EBF3: variants seen among roughly 807,000 people sequenced by gnomAD.
EBF3 encodes transcription factor COE3.
EBF3 carries 18 observed loss-of-function variants against 77.1 expected under a neutral mutation model. The ratio of observed to expected loss-of-function variants is 0.23; its 90% confidence interval spans 0.16 to 0.35. The LOEUF is 0.35. Ranked by LOEUF, EBF3 falls within the 10% of genes least tolerant of loss-of-function variation. EBF3 has a pLI of 1.00. For missense variants in EBF3, 558 were observed against 860.0 expected, an observed-to-expected ratio of 0.65 and a Z score of 4.39; for synonymous variants, 350 against 343.5, an observed-to-expected ratio of 1.02 and a Z score of -0.21.
rs200563752 is a variant in EBF3 at position 129,843,158 on chromosome 10, G to A, written c.1173C>T (p.Tyr391=). The change falls in exon 12 of 17, where the codon TAC becomes TAT. Residue 391 remains tyrosine (Y), a synonymous_variant. Transcript: ENST00000440978. ...KRAADLVEAL[Y]GMPHNNQEII... ...CTACCTGGTTGTTGTGAGGCATTCC[G>A]TATAAGGCTTCCACCAGGTCCGCCG... is the stretch of plus-strand genomic sequence containing the variant. 4.2e-5 allele frequency: 67 copies of A among 1,613,566 alleles called. No homozygotes were observed. The highest frequency in any genetic ancestry group is 6.7e-5 in the Admixed American group (4 of 59,960).
intron 6 of EBF3, among the ~76,000 whole-genome samples, chr10:129,912,010 G>A (rs11017009): frequency 0.41 from 61,645 of 151,760 alleles, 13,093 homozygotes; most frequent in Admixed American, 0.48. Context: ...CTCAACGCCC[G>A]GGTGTGCACG....
intron 6 of EBF3, among the ~76,000 whole-genome samples, chr10:129,878,969 G>T (rs148723539): frequency 1.9e-4 from 29 of 152,232 alleles, no homozygotes; most frequent in African/African-American, 6.7e-4. Context: ...AGGCCGAAGC[G>T]AGTGCTATTT....
rs777657276 is a variant in EBF3 at position 129,947,985 on chromosome 10, G to A, written c.554+9273C>T. Among the ~76,000 whole-genome samples, 2 of 152,100 alleles carry A rather than the reference G, an allele frequency of 1.3e-5. No homozygotes were observed. The highest frequency in any genetic ancestry group is 2.9e-5 in the Non-Finnish European group (2 of 68,022). ...AAAGAAGCCAGTCTGGGTGAGGCAC[G>A]GTGGCTCACATCTGTAATCCTAGCA... is the stretch of plus-strand genomic sequence containing the variant. On this transcript the variant is annotated intron_variant, in intron 6 of 16. Coordinates refer to ENST00000440978, the MANE Select transcript of EBF3 (RefSeq NM_001375380.1). This position sits in a 1 kb window ranked among gnomAD's most constrained non-coding sequence, Gnocchi z 4.5.
At chr10:129,873,418 C>T (rs950581169) in intron 8 of EBF3, 34 bp downstream of exon 8, 45 of 1,477,894 alleles carry the variant, frequency 3.0e-5, no homozygotes, top group Non-Finnish European at 4.0e-5. Flanking sequence ...AAAGAAGCAT[C>T]GCAAATAAAA....
chr10:129,889,712 C>T (rs563986575), intron 6 of EBF3, among the ~76,000 whole-genome samples: 1 of 151,408 alleles, frequency 6.6e-6, no homozygotes, highest in Admixed American at 6.6e-5. Context: ...AGGAAAACAA[C>T]CAGGATAAAT....
chr10:129,844,442 CTT>C lies in EBF3; in HGVS notation c.1129-1242_1129-1241del, dbSNP rs376637086. ...CATAAGCAGATTTCAGCCTGAACCT[CTT>C]AATGCAAATACAGTGCAGTCGGCTG... On this transcript the variant is annotated intron_variant, in intron 11 of 16. Coordinates refer to ENST00000440978, the MANE Select transcript of EBF3 (RefSeq NM_001375380.1). 1.6e-3 allele frequency among the ~76,000 whole-genome samples: 247 copies of C among 152,292 alleles called. 1 individual carries two copies. The highest frequency in any genetic ancestry group is 5.8e-3 in the African/African-American group (243 of 41,566).
chr10:129,914,558 T>C (rs1035918215), intron 6 of EBF3, among the ~76,000 whole-genome samples: 1 of 152,108 alleles, frequency 6.6e-6, no homozygotes, highest in Non-Finnish European at 1.5e-5. Flanking sequence ...CATGCAGGGC[T>C]TGGAACGGGG....
intron 6 of EBF3, among the ~76,000 whole-genome samples, chr10:129,878,439 T>G (rs1250807470): frequency 1.3e-5 from 2 of 151,768 alleles, no homozygotes; most frequent in Non-Finnish European, 2.9e-5. Flanking sequence ...GAGGCTGAGG[T>G]GGGCAGATGA....
chr10:129,867,666 T>C, intron 9 of EBF3, 116 bp downstream of exon 9: 1 of 1,501,572 alleles, frequency 6.7e-7, no homozygotes, highest in Non-Finnish European at 9.0e-7. Context: ...AACAGTGCAG[T>C]GTGTTAAAAG....
chr10:129,936,493 T>C (rs1314091437), intron 6 of EBF3, among the ~76,000 whole-genome samples: 1 of 151,996 alleles, frequency 6.6e-6, no homozygotes, highest in East Asian at 1.9e-4. Flanking sequence ...TCGGCCTGTG[T>C]GAGGACCCAA....
Position 129,935,837 on chromosome 10 carries a change from G to A in EBF3, c.554+21421C>T, listed in dbSNP as rs1048111474. On this transcript the variant is annotated intron_variant, in intron 6 of 16. Coordinates refer to ENST00000440978, the MANE Select transcript of EBF3 (RefSeq NM_001375380.1). The surrounding 1 kb of genome is among the most constrained non-coding windows in gnomAD (Gnocchi z 4.2). ...CATAGAATGTGGGCTGGGGACAGGA[G>A]AGGCCAAGACACCAAGAGCGGCCAC... Among the ~76,000 whole-genome samples, 8 of 152,228 alleles carry A rather than the reference G, an allele frequency of 5.3e-5. No individual in the cohort carries two copies. The highest frequency in any genetic ancestry group is 5.9e-5 in the Non-Finnish European group (4 of 68,044).
At position 129,848,191 on chromosome 10, in the gene EBF3, C is replaced by T. The variant is rs557074841; in HGVS notation, c.1128+201G>A. 1.3e-5 allele frequency among the ~76,000 whole-genome samples: 2 copies of T among 152,330 alleles called. No homozygotes were observed. The highest frequency in any genetic ancestry group is 2.1e-4 in the South Asian group (1 of 4,828). On this transcript the variant is annotated intron_variant, in intron 11 of 16. Coordinates refer to ENST00000440978, the MANE Select transcript of EBF3 (RefSeq NM_001375380.1). This position sits in a 1 kb window ranked among gnomAD's most constrained non-coding sequence, Gnocchi z 4.4. ...TGAGATGTAAAACTCGAGCCGTCTA[C>T]GCCTTCTCTCACCCTTCGCCCACCT...
chr10:129,892,590 C>A (rs904888722), intron 6 of EBF3, among the ~76,000 whole-genome samples: 1 of 152,152 alleles, frequency 6.6e-6, no homozygotes, highest in African/African-American at 2.4e-5. Flanking sequence ...CACCACTGAC[C>A]ATAAATATAG....
intron 6 of EBF3, among the ~76,000 whole-genome samples, chr10:129,933,306 G>A (rs114712362): frequency 1.9e-3 from 289 of 152,298 alleles, no homozygotes; most frequent in African/African-American, 6.5e-3. Context: ...TAACTGCTGC[G>A]AATTATGCCT....
chr10:129,846,414 G>A (rs941261052), intron 11 of EBF3, among the ~76,000 whole-genome samples: 2 of 151,878 alleles, frequency 1.3e-5, no homozygotes, highest in Non-Finnish European at 2.9e-5. Flanking sequence ...GGGTGACGCC[G>A]AGGAGGGGGC....
At chr10:129,883,108 G>C (rs1011140050) in intron 6 of EBF3, among the ~76,000 whole-genome samples, 3 of 152,204 alleles carry the variant, frequency 2.0e-5, no homozygotes, top group Admixed American at 2.0e-4. Context: ...CAGGAACCCT[G>C]TACAGGATTT....
At chr10:129,915,820 G>T (rs1307023353) in intron 6 of EBF3, among the ~76,000 whole-genome samples, 1 of 152,236 alleles carries the variant, frequency 6.6e-6, no homozygotes, top group Non-Finnish European at 1.5e-5. Flanking sequence ...GCTGAATGAA[G>T]ATGAGAAGGG....
At chr10:129,946,663 C>A (rs1446614418) in intron 6 of EBF3, among the ~76,000 whole-genome samples, 1 of 152,162 alleles carries the variant, frequency 6.6e-6, no homozygotes, top group Non-Finnish European at 1.5e-5. Context: ...CGAGGCCATG[C>A]GTCCCAGGCA....
intron 6 of EBF3, among the ~76,000 whole-genome samples, 192 bp downstream of exon 6, chr10:129,957,066 C>T (rs934101709): frequency 6.6e-6 from 1 of 152,156 alleles, no homozygotes; most frequent in African/African-American, 2.4e-5. Context: ...TACTGAATCC[C>T]CACAGAGCGA....
Sources: allele counts gnomAD v4.1 joint callset (sites outside exome capture counted in the v4.1 genomes callset), GRCh38; gene constraint gnomAD v4.1.1; non-coding constraint Gnocchi (gnomAD v3.1); transcripts MANE v1.5; gene names NCBI Gene and HGNC (gene_info 2026-07-23, HGNC 2026-07-21).